TRIO: variants seen among roughly 807,000 people sequenced by gnomAD.
TRIO encodes trio Rho guanine nucleotide exchange factor.
TRIO carries 58 observed loss-of-function variants against 351.9 expected under a neutral mutation model. That is an observed-to-expected ratio of 0.16 (90% CI 0.13 to 0.21). TRIO has a LOEUF of 0.21. Ranked by LOEUF, TRIO falls within the 10% of genes least tolerant of loss-of-function variation. The pLI, the probability that TRIO is intolerant of heterozygous loss-of-function variation, is 1.00. For missense variants in TRIO, 3,201 were observed against 4,027.8 expected (o/e 0.79, Z 5.56); for synonymous variants, 1,758 against 1,595.7 (o/e 1.10, Z -2.42).
intron 9 of TRIO, among the ~76,000 whole-genome samples, chr5:14,325,582 C>T (rs1251068431): frequency 2.0e-5 from 3 of 152,178 alleles, no homozygotes; most frequent in Admixed American, 6.5e-5. Flanking sequence ...GAACACCTCC[C>T]GGTAGGCCCC....
Position 14,396,907 on chromosome 5 carries a change from A to G in TRIO, c.4312-136A>G, listed in dbSNP as rs73749236. 15,704 of 683,660 alleles carry G rather than the reference A, an allele frequency of 0.023. 1,859 individuals are homozygous for G. The African/African-American group carries it at 0.25, about 11-fold the overall frequency. The allele number at this position is 683,660 out of a possible 1,614,324, so 42.3% of individuals were successfully genotyped here. On this transcript the variant is annotated intron_variant, in intron 28 of 56. Coordinates refer to ENST00000344204, the MANE Select transcript of TRIO (RefSeq NM_007118.4). ...AATAAAGAGGTAGTAGTTTATTTCT[A>G]TGAGAACATATGCCCAGTTGACCAC...
intron 55 of TRIO, among the ~76,000 whole-genome samples, chr5:14,505,634 C>T (rs1223705242): frequency 6.6e-6 from 1 of 152,122 alleles, no homozygotes; most frequent in Non-Finnish European, 1.5e-5. Flanking sequence ...CTTAAAGAAA[C>T]TATAAATGCC....
rs767860634 is a variant in TRIO, at chr5:14,316,566, C to T, written c.1554C>T (p.Pro518=). The T allele has an allele frequency of 2.6e-5, 42 of 1,614,068 alleles. 1 individual carries two copies. The highest frequency in any genetic ancestry group is 1.6e-4 in the East Asian group (7 of 44,896). The change falls in exon 9 of 57, where the codon CCC becomes CCT. Residue 518 remains proline, a synonymous_variant. Coordinates refer to ENST00000344204, the MANE Select transcript of TRIO (RefSeq NM_007118.4). ...ACAAGCTCCAGCGGCCCTTGACTCC[C>T]GGCAGCTCCGATTCCCTGACAGCCT... ...LLDKLQRPLT[P]GSSDSLTASA... is the part of the protein sequence containing the mutation.
chr5:14,283,841 C>T (rs1000192245), intron 3 of TRIO, among the ~76,000 whole-genome samples: 3 of 151,302 alleles, frequency 2.0e-5, no homozygotes, highest in Admixed American at 1.3e-4. Flanking sequence ...TTCCACTAAA[C>T]GTGTGTAGGA....
chr5:14,350,688 C>T (rs1367930684), intron 11 of TRIO, among the ~76,000 whole-genome samples: 2 of 152,156 alleles, frequency 1.3e-5, no homozygotes, highest in East Asian at 1.9e-4. Context: ...CTTTTTCCTC[C>T]TTTCTTACAT....
intron 45 of TRIO, among the ~76,000 whole-genome samples, chr5:14,482,070 C>G (rs139579415): frequency 0.011 from 1,603 of 152,242 alleles, 13 homozygotes; most frequent in South Asian, 0.027. Context: ...ATTACATATC[C>G]TCAAGATGAA....
intron 34 of TRIO, among the ~76,000 whole-genome samples, chr5:14,425,826 C>T (rs544131169): frequency 6.6e-6 from 1 of 152,288 alleles, no homozygotes; most frequent in East Asian, 1.9e-4. Context: ...TCTTTAAATA[C>T]TAACTCTGCC....
In TRIO at chr5:14,390,979, T is replaced by G; in HGVS notation, c.4207T>G (p.Ser1403Ala). 4 of 1,607,114 alleles carry G rather than the reference T, an allele frequency of 2.5e-6. No individual in the cohort carries two copies. The highest frequency in any genetic ancestry group is 3.4e-6 in the Non-Finnish European group (4 of 1,177,988). The change falls in exon 27 of 57, where the codon TCC becomes GCC. Residue 1403 changes from serine to alanine, a missense_variant. By Grantham distance (99) the Ser-to-Ala change is moderately conservative. This residue lies in a region of TRIO where 115 missense variants were observed against 239.6 expected (regional missense o/e 0.48). Transcript: ENST00000344204. The stretch of plus-strand genomic sequence containing the variant: ...TCAGCTGATATTGGAACATGCAGGG[T>G]CCTATTTTGACGTAAGTAATAGATT... Reference protein sequence around the residue: ...STQLILEHAGSYFDEIQQRHG... With the variant: ...STQLILEHAGAYFDEIQQRHG...
chr5:14,239,373 A>G (rs1389406083), intron 1 of TRIO, among the ~76,000 whole-genome samples: 1 of 152,162 alleles, frequency 6.6e-6, no homozygotes, highest in African/African-American at 2.4e-5. Flanking sequence ...AATGCAGTGA[A>G]TCAAATCTGC....
At chr5:14,273,823 G>A (rs1383611933) in intron 2 of TRIO, among the ~76,000 whole-genome samples, 3 of 152,120 alleles carry the variant, frequency 2.0e-5, no homozygotes, top group South Asian at 4.1e-4. Context: ...AATCTCACAC[G>A]ACAACCACCA....
chr5:14,263,217 T>TA (rs1263807652), intron 1 of TRIO, among the ~76,000 whole-genome samples: 1 of 152,132 alleles, frequency 6.6e-6, no homozygotes, highest in African/African-American at 2.4e-5. Context: ...CCAAACAGGC[T>TA]AAGGTCAACA....
rs376305481 is a variant in TRIO at position 14,441,866 on chromosome 5, C to T, written c.5204-19153C>T. Reference sequence around the variant, plus strand: ...TAGCTGGGGAGAGGGATGCTTCCAACGTTGCCATTGTATTCAAGGGAGTGT... The same window carrying T: ...TAGCTGGGGAGAGGGATGCTTCCAATGTTGCCATTGTATTCAAGGGAGTGT... On this transcript the variant is annotated intron_variant, in intron 34 of 56. Transcript: ENST00000344204. Among the ~76,000 whole-genome samples, 5 of 152,318 alleles carry T rather than the reference C, an allele frequency of 3.3e-5. No individual in the cohort carries two copies. In the South Asian group the frequency reaches 6.2e-4, roughly 19 times the overall value.
chr5:14,487,713 A>G lies in TRIO; in HGVS notation c.7085A>G (p.Glu2362Gly). Residue 2362 changes from glutamate (E) to glycine (G), a missense_variant, in exon 48 of 57, where the codon GAG becomes GGG. Around this residue, in one of 19 missense-constraint regions of TRIO, gnomAD observed 1,089 missense variants for 954.9 expected, o/e 1.14. Transcript: ENST00000344204. ...LVSSAASSQA[E>G]ADKMSGTSTP... is the part of the protein sequence containing the mutation. ...TCCTCTGCAGCCTCGAGCCAGGCAG[A>G]GGCAGACAAGATGTCAGGTACGTCC... 7.0e-7 allele frequency: 1 copy of G among 1,438,618 alleles called. No individual in the cohort carries two copies. The highest frequency in any genetic ancestry group is 2.3e-5 in the Admixed American group (1 of 43,314). The allele number at this position is 1,438,618 out of a possible 1,614,324, so 89.1% of individuals were successfully genotyped here.
At chr5:14,486,859 G>A (rs758871039) in intron 47 of TRIO, among the ~76,000 whole-genome samples, 6 of 152,084 alleles carry the variant, frequency 3.9e-5, no homozygotes, top group Non-Finnish European at 7.4e-5. Flanking sequence ...GCTGGGGCTG[G>A]GGGGCTGCAT....
intron 8 of TRIO, among the ~76,000 whole-genome samples, chr5:14,312,702 G>C (rs1366653281): frequency 6.6e-6 from 1 of 152,146 alleles, no homozygotes; most frequent in African/African-American, 2.4e-5. Context: ...CACTCACCTG[G>C]TTCAGTAGTT....
chr5:14,360,971 G>A lies in TRIO; in HGVS notation c.2391+1440G>A, dbSNP rs554553193. ...TGTGGAGAAGAGGCACCTGCACGCC[G>A]ACCTCTGCCCCGTGAGGGCCTGCCA... On this transcript the variant is annotated intron_variant, in intron 13 of 56. Coordinates refer to ENST00000344204, the MANE Select transcript of TRIO (RefSeq NM_007118.4). Among the ~76,000 whole-genome samples, 5 of 152,266 alleles carry A rather than the reference G, an allele frequency of 3.3e-5. 1 individual carries two copies. Among genetic ancestry groups the A allele is most frequent in the African/African-American group, 1.2e-4 (5 of 41,564 alleles).
intron 11 of TRIO, among the ~76,000 whole-genome samples, chr5:14,344,011 C>T (rs1742178604): frequency 6.6e-6 from 1 of 152,170 alleles, no homozygotes; most frequent in Admixed American, 6.5e-5. Flanking sequence ...TGTATATGAT[C>T]GAGCCTCAGT....
chr5:14,445,985 T>C (rs1752407704), intron 34 of TRIO, among the ~76,000 whole-genome samples: 1 of 152,328 alleles, frequency 6.6e-6, no homozygotes, highest in Admixed American at 6.5e-5. Flanking sequence ...TCGCCTCCGG[T>C]CTGTGGCCGT....
In TRIO at chr5:14,387,551, C is replaced by T. The variant is rs1206644334; in HGVS notation, c.3684C>T (p.Tyr1228=). 6.2e-7 allele frequency: 1 copy of T among 1,614,110 alleles called. No homozygotes were observed. Among genetic ancestry groups the T allele is most frequent in the Non-Finnish European group, 8.5e-7 (1 of 1,180,040 alleles). The change falls in exon 22 of 57, where the codon TAC becomes TAT. Residue 1228 remains tyrosine, a synonymous_variant. Coordinates refer to ENST00000344204, the MANE Select transcript of TRIO (RefSeq NM_007118.4). ...KKCVTAVDKR[Y]RDFSLRMEKY... ...GTGTTACTGCTGTGGATAAGAGGTA[C>T]AGAGATTTCTCTCTGCGGATGGAGA...
Sources: gnomAD v4.1 joint callset for allele counts (sites outside exome capture counted in the v4.1 genomes callset) on GRCh38, gnomAD v4.1.1 for gene constraint, gnomAD v4.1.1 regional missense constraint, MANE v1.5 for transcripts, NCBI Gene and HGNC (gene_info 2026-07-23, HGNC 2026-07-21) for gene names.